The following NCAPD3 variants were observed in gnomAD, a reference collection of about 807,000 sequenced individuals.
NCAPD3 encodes non-SMC condensin II complex subunit D3, also known as condensin-2 complex subunit D3.
Under a neutral mutation model 182.9 loss-of-function variants are expected in NCAPD3, and 105 were observed. The ratio of observed to expected loss-of-function variants is 0.57; its 90% CI spans 0.49 to 0.68. NCAPD3 has a LOEUF of 0.68. Ranked by LOEUF, NCAPD3 falls within the 30% of genes least tolerant of loss-of-function variation. The pLI is 0.00. For synonymous variants in NCAPD3, 815 were observed against 679.9 expected (o/e 1.20, Z -3.09); for missense variants, 1,944 against 1,837.0 (o/e 1.06, Z -1.07).
At chr11:134,193,016 AC>A in intron 15 of NCAPD3, 107 bp from the exon 16 acceptor site, 1 of 666,190 alleles carries the variant, frequency 1.5e-6, no homozygotes, top group Non-Finnish European at 2.6e-6. Context: ...CTGCAAATAG[AC>A]CATAGAGTGA....
intron 1 of NCAPD3, among the ~76,000 whole-genome samples, chr11:134,222,032 G>C (rs138837840): frequency 6.6e-6 from 1 of 152,330 alleles, no homozygotes; most frequent in African/African-American, 2.4e-5. Flanking sequence ...GCTTATGACA[G>C]TTCCCTACTG....
At position 134,204,194 on chromosome 11, in the gene NCAPD3, G is replaced by C. The variant is rs754512198; in HGVS notation, c.1090-23C>G. On this transcript the variant is annotated intron_variant, in intron 9 of 34. Transcript: ENST00000534548. This position sits in a 1 kb window ranked among gnomAD's most constrained non-coding sequence, Gnocchi z 4.3. ...CACCTGAAAAGCAAAAAGAGAAGTT[G>C]ACCAACCAATATCCACCCGCAGGAT... The C allele has an allele frequency of 6.2e-7, 1 of 1,610,868 alleles. No homozygotes were observed. The highest frequency in any genetic ancestry group is 8.5e-7 in the Non-Finnish European group (1 of 1,178,416).
At chr11:134,164,624 CATG>C (rs1266293045) in intron 27 of NCAPD3, among the ~76,000 whole-genome samples, 2 of 143,598 alleles carry the variant, frequency 1.4e-5, no homozygotes, top group East Asian at 2.2e-4. Flanking sequence ...TCACTTGTGA[CATG>C]AGCTTGAGGG....
chr11:134,175,220 G>C (rs768194033), intron 24 of NCAPD3, among the ~76,000 whole-genome samples: 1 of 152,124 alleles, frequency 6.6e-6, no homozygotes, highest in African/African-American at 2.4e-5. Context: ...GGAAATGCAG[G>C]TTAAGTAACC....
intron 13 of NCAPD3, among the ~76,000 whole-genome samples, chr11:134,196,342 A>G (rs1944627037): frequency 6.6e-6 from 1 of 152,178 alleles, no homozygotes; most frequent in Non-Finnish European, 1.5e-5. Context: ...ACCTGTAACG[A>G]GTAAAGAAAC....
At chr11:134,202,242 ATGT>A (rs1281631844) in intron 13 of NCAPD3, among the ~76,000 whole-genome samples, 2 of 151,606 alleles carry the variant, frequency 1.3e-5, no homozygotes, top group Non-Finnish European at 1.5e-5. Context: ...ACTTTCTTAA[ATGT>A]TGTTTCTACA....
intron 13 of NCAPD3, among the ~76,000 whole-genome samples, chr11:134,197,697 G>A (rs540204702): frequency 2.0e-5 from 3 of 152,270 alleles, no homozygotes; most frequent in African/African-American, 7.2e-5. Flanking sequence ...ATACAACCAT[G>A]CTTGGGATTT....
chr11:134,217,016 T>C lies in NCAPD3; in HGVS notation c.302A>G (p.His101Arg). ...ALFYHFVQIV[H>R]KKNVSVQYRE... ...ATACTGTACACTGACATTCTTCTTATGAACTATTTGAACAAAATGATAGAA... is the reference window on the plus strand; with the variant it reads ...ATACTGTACACTGACATTCTTCTTACGAACTATTTGAACAAAATGATAGAA... The change falls in exon 3 of 35, where the codon CAT becomes CGT. Residue 101 changes from histidine to arginine, a missense_variant. By Grantham distance (29) the His-to-Arg change is conservative. This residue lies in a region of NCAPD3 where 131 missense variants were observed against 133.9 expected (regional missense o/e 0.98). Coordinates refer to ENST00000534548, the MANE Select transcript of NCAPD3 (RefSeq NM_015261.3). 1.2e-6 allele frequency: 2 copies of C among 1,613,996 alleles called. No individual in the cohort carries two copies. The highest frequency in any genetic ancestry group is 2.2e-5 in the East Asian group (1 of 44,874).
chr11:134,174,283 C>T lies in NCAPD3; in HGVS notation c.3101+2024G>A, dbSNP rs189350437. 4.4e-3 allele frequency among the ~76,000 whole-genome samples: 640 copies of T among 143,880 alleles called. 4 individuals are homozygous for T. The highest frequency in any genetic ancestry group is 0.016 in the African/African-American group (612 of 38,082). The allele number at this position is 143,880 out of a possible 152,430, so 94.4% of individuals were successfully genotyped here. A position where few individuals can be genotyped will look rare whatever the true frequency, so the allele number is the denominator to read the frequency against. ...CTGTAGTCCGAGTTATCTGGGAGGC[C>T]GAGGTGGGAGGATCACTTGAGCCCA... On this transcript the variant is annotated intron_variant, in intron 24 of 34. Transcript: ENST00000534548.
intron 13 of NCAPD3, among the ~76,000 whole-genome samples, chr11:134,199,254 A>G (rs1345691032): frequency 6.6e-6 from 1 of 152,222 alleles, no homozygotes; most frequent in Non-Finnish European, 1.5e-5. Flanking sequence ...ATTTCTGGGA[A>G]GACAGTTAAA....
intron 26 of NCAPD3, 51 bp downstream of exon 26, chr11:134,168,418 A>G (rs368718642): frequency 3.1e-6 from 5 of 1,609,468 alleles, no homozygotes; most frequent in Admixed American, 3.3e-5. Context: ...TTATCAACAC[A>G]GCATTTCATT....
intron 3 of NCAPD3, among the ~76,000 whole-genome samples, chr11:134,213,327 CT>C (rs200022450): frequency 0.013 from 1,961 of 148,336 alleles, 35 homozygotes; most frequent in African/African-American, 0.044. Flanking sequence ...CTGGACCTCT[CT>C]TTTTTTTTTC....
At position 134,152,982 on chromosome 11, in the gene NCAPD3, T is replaced by G. The variant is rs1380586139; in HGVS notation, c.4459A>C (p.Arg1487=). The change falls in exon 35 of 35, where the codon AGG becomes CGG. Residue 1487 remains arginine (R), a synonymous_variant. Transcript: ENST00000534548. ...RNKDTPACSR[R]SLRKTPLKTA... is the part of the protein sequence containing the mutation. The stretch of plus-strand genomic sequence containing the variant: ...TTCAGAGGGGTCTTTCGGAGGGACC[T>G]CCTGCTGCAGGCTGGAGTGTCTTTA... 6.3e-7 allele frequency: 1 copy of G among 1,577,194 alleles called. No homozygotes were observed.
chr11:134,185,463 T>C lies in NCAPD3; in HGVS notation c.2109A>G (p.Ile703Met). The C allele has an allele frequency of 1.2e-6, 2 of 1,613,480 alleles. No individual in the cohort carries two copies. The highest frequency in any genetic ancestry group is 1.1e-5 in the South Asian group (1 of 90,910). Reference protein sequence around the residue: ...SKKEKFSPTFINNVISHTGTE... With the variant: ...SKKEKFSPTFMNNVISHTGTE... ...TGCCAGTGTGAGATATTACATTGTT[T>C]ATAAAAGTGGGTGAGAATTTTTCTT... Residue 703 changes from isoleucine to methionine, a missense_variant, in exon 17 of 35, where the codon ATA becomes ATG. Ile to Met is a conservative substitution (Grantham distance 10). Around this residue, in one of 3 missense-constraint regions of NCAPD3, gnomAD observed 1,803 missense variants for 1,674.6 expected, o/e 1.08. Transcript: ENST00000534548.
At chr11:134,159,194 C>T (rs1370841904) in intron 29 of NCAPD3, among the ~76,000 whole-genome samples, 1 of 152,200 alleles carries the variant, frequency 6.6e-6, no homozygotes, top group Non-Finnish European at 1.5e-5. Context: ...GAGGCTGCTG[C>T]CTCATATGGT....
chr11:134,164,795 C>A (rs572620268), intron 27 of NCAPD3, among the ~76,000 whole-genome samples: 1 of 143,046 alleles, frequency 7.0e-6, no homozygotes, highest in East Asian at 2.2e-4. Context: ...GTGAAATGAA[C>A]TTAGGGGAAC....
intron 27 of NCAPD3, among the ~76,000 whole-genome samples, chr11:134,165,321 CATG>C (rs1591826210): frequency 6.9e-6 from 1 of 145,788 alleles, no homozygotes; most frequent in Admixed American, 6.9e-5. Context: ...TCACTTGTGA[CATG>C]AGCTTAAGTG....
chr11:134,178,247 C>T (rs939683287), intron 22 of NCAPD3, among the ~76,000 whole-genome samples: 2 of 151,840 alleles, frequency 1.3e-5, no homozygotes, highest in Non-Finnish European at 2.9e-5. Flanking sequence ...GTGCAGTGCC[C>T]GGCACAGAAC....
At position 134,180,061 on chromosome 11, in the gene NCAPD3, T is replaced by C. The variant is rs1308859040; in HGVS notation, c.2559+1016A>G. On this transcript the variant is annotated intron_variant, in intron 20 of 34. Transcript: ENST00000534548. ...GAGGAGGGGTGGGGACAAGACTCAC[T>C]GACCATAGTAAGCATCTTTCTTAAT... Among the ~76,000 whole-genome samples the C allele has an allele frequency of 3.3e-5, 5 of 152,044 alleles. No individual in the cohort carries two copies. In the East Asian group the frequency reaches 9.6e-4, roughly 29 times the overall value.
Sources: gnomAD v4.1 joint callset for allele counts (sites outside exome capture counted in the v4.1 genomes callset) on GRCh38, gnomAD v4.1.1 for gene constraint, gnomAD v4.1.1 regional missense constraint, Gnocchi (gnomAD v3.1) non-coding constraint, MANE v1.5 for transcripts, NCBI Gene and HGNC (gene_info 2026-07-23, HGNC 2026-07-21) for gene names.